Variants in GHRH observed in about 807,000 individuals in gnomAD.
GHRH encodes growth hormone releasing hormone, also known as somatoliberin.
A neutral mutation model predicts 15.6 loss-of-function variants in GHRH; 7 were observed. The observed-to-expected ratio is 0.45, with a 90% CI of 0.26 to 0.84. The LOEUF (loss-of-function observed/expected upper bound fraction) is 0.84, where lower values mean the gene tolerates loss of function less well. Ranked by LOEUF, GHRH falls within the 40% of genes least tolerant of loss-of-function variation. The pLI, the probability that GHRH is intolerant of heterozygous loss-of-function variation, is 0.18. For missense variants in GHRH, 117 were observed against 138.0 expected, an observed-to-expected ratio of 0.85 and a Z score of 0.76; for synonymous variants, 54 against 50.4, an observed-to-expected ratio of 1.07 and a Z score of -0.30.
rs1286129185 is a variant in GHRH at position 37,258,412 on chromosome 20, GC to G, written c.-19-1505del. On this transcript the variant is annotated intron_variant, in intron 1 of 4. Coordinates refer to ENST00000373614, the MANE Select transcript of GHRH (RefSeq NM_021081.6). The surrounding 1 kb of genome is among the most constrained non-coding windows in gnomAD (Gnocchi z 4.1). ...TGAGGAGTTCTGGCAGGCAGGGCCAGCACTGGCAGAACCCACCTTGCTCTCC... is the reference window on the plus strand; with the variant it reads ...TGAGGAGTTCTGGCAGGCAGGGCCAGACTGGCAGAACCCACCTTGCTCTCC... Among the ~76,000 whole-genome samples the G allele has an allele frequency of 2.6e-5, 4 of 152,200 alleles. No homozygotes were observed. Among genetic ancestry groups the G allele is most frequent in the Non-Finnish European group, 5.9e-5 (4 of 68,030 alleles).
chr20:37,259,353 C>A (rs776556930), intron 1 of GHRH, among the ~76,000 whole-genome samples: 2 of 152,154 alleles, frequency 1.3e-5, no homozygotes, highest in Non-Finnish European at 2.9e-5. Flanking sequence ...CCCTTCTCCC[C>A]ACCTGGTCCA....
intron 4 of GHRH, among the ~76,000 whole-genome samples, chr20:37,252,543 G>C (rs1021918709): frequency 1.3e-5 from 2 of 152,186 alleles, no homozygotes; most frequent in Non-Finnish European, 2.9e-5. Flanking sequence ...ATGGCAGGTG[G>C]ATCACCTGAG....
At chr20:37,257,946 G>A (rs992495796) in intron 1 of GHRH, among the ~76,000 whole-genome samples, 3 of 152,204 alleles carry the variant, frequency 2.0e-5, no homozygotes, top group Non-Finnish European at 4.4e-5. Flanking sequence ...GGGGAGAAGG[G>A]CTCTAAGTCT....
At chr20:37,261,223 C>T (rs954579225) in intron 1 of GHRH, among the ~76,000 whole-genome samples, 1 of 152,132 alleles carries the variant, frequency 6.6e-6, no homozygotes, top group African/African-American at 2.4e-5. Context: ...CGTGGGGTAG[C>T]GGAGGACTCC....
chr20:37,255,770 C>T (rs998506273), intron 3 of GHRH, among the ~76,000 whole-genome samples: 4 of 149,856 alleles, frequency 2.7e-5, no homozygotes, highest in African/African-American at 9.9e-5. Context: ...TGGCTCACAA[C>T]TATAATCCCA....
Position 37,256,879 on chromosome 20 carries a change from C to T in GHRH, c.11G>A (p.Trp4Ter), listed in dbSNP as rs773662707. MPL[W>*]VFFFVILTLS... ...GGTGAGGATCACAAAGAAGAACACC[C>T]AGAGTGGCATCCTTCACCCGGGGTG... Residue 4 changes from tryptophan (W) to a stop codon, truncating the protein, a stop_gained, in exon 2 of 5, where the codon TGG (tryptophan) becomes TAG (stop). Transcript: ENST00000373614. LOFTEE classifies it high-confidence loss of function. 6.2e-7 allele frequency: 1 copy of T among 1,611,000 alleles called. No individual in the cohort carries two copies. Among genetic ancestry groups the T allele is most frequent in the African/African-American group, 1.3e-5 (1 of 74,916 alleles).
chr20:37,254,266 T>G lies in GHRH; in HGVS notation c.252A>C (p.Ala84=). 1 of 1,614,204 alleles carries G rather than the reference T, an allele frequency of 6.2e-7. No homozygotes were observed. The highest frequency in any genetic ancestry group is 8.5e-7 in the Non-Finnish European group (1 of 1,180,002). ...RLGRQVDSMW[A]EQKQMELESI... ...TCTCCAATTCCATTTGCTTTTGTTC[T>G]GCCCACATGCTGTCTACCTGACGAC... Residue 84 remains alanine, a synonymous_variant, in exon 4 of 5, where the codon GCA becomes GCC. Coordinates refer to ENST00000373614, the MANE Select transcript of GHRH (RefSeq NM_021081.6).
chr20:37,259,671 A>C (rs913831353), intron 1 of GHRH, among the ~76,000 whole-genome samples: 2 of 152,088 alleles, frequency 1.3e-5, no homozygotes, highest in African/African-American at 4.8e-5. Context: ...CCTGTGCCCT[A>C]TCAGGCTCCA....
chr20:37,256,557 G>T (rs893049345), intron 2 of GHRH, 59 bp from the exon 3 acceptor site: 3 of 1,069,258 alleles, frequency 2.8e-6, no homozygotes, highest in African/African-American at 3.1e-5. Flanking sequence ...GAGGACAGTC[G>T]TGGCTGCACT....
chr20:37,255,133 A>AATGTGCATATGCATATGCACATT (rs2068647556), intron 3 of GHRH, among the ~76,000 whole-genome samples: 1 of 152,202 alleles, frequency 6.6e-6, no homozygotes, highest in Non-Finnish European at 1.5e-5. Flanking sequence ...AAGAATACTT[A>AATGTGCATATGCATATGCACATT]ATGTGCATAT....
intron 1 of GHRH, 71 bp from the exon 2 acceptor site, chr20:37,256,979 T>A: frequency 1.1e-6 from 1 of 929,634 alleles, no homozygotes; most frequent in Non-Finnish European, 1.7e-6. Flanking sequence ...GGCCCAGCCC[T>A]GGGCTTGGCT....
chr20:37,259,702 C>A (rs1465246085), intron 1 of GHRH, among the ~76,000 whole-genome samples: 1 of 152,198 alleles, frequency 6.6e-6, no homozygotes, highest in Non-Finnish European at 1.5e-5. Context: ...TTGCACTCTC[C>A]CTCTGGAGCA....
At chr20:37,257,254 C>G (rs2068662831) in intron 1 of GHRH, among the ~76,000 whole-genome samples, 1 of 152,174 alleles carries the variant, frequency 6.6e-6, no homozygotes, top group Non-Finnish European at 1.5e-5. Flanking sequence ...GTGACTCACG[C>G]CTGTAATCCC....
intron 1 of GHRH, among the ~76,000 whole-genome samples, chr20:37,259,431 A>G (rs1171779071): frequency 6.6e-6 from 1 of 152,140 alleles, no homozygotes; most frequent in Admixed American, 6.5e-5. Context: ...GCCCCTTGAC[A>G]GAAACCACTG....
intron 4 of GHRH, among the ~76,000 whole-genome samples, chr20:37,251,642 C>T (rs1569010520): frequency 6.6e-6 from 1 of 152,174 alleles, no homozygotes; most frequent in Admixed American, 6.5e-5. Context: ...GAGCAGGGGT[C>T]GCTGCTGTCC....
intron 1 of GHRH, among the ~76,000 whole-genome samples, chr20:37,257,761 G>A (rs529276699): frequency 3.3e-5 from 5 of 152,190 alleles, no homozygotes; most frequent in South Asian, 2.1e-4. Context: ...TATTTTCCCC[G>A]GCCATAAAAC....
chr20:37,261,435 C>T (rs1277270108), intron 1 of GHRH, among the ~76,000 whole-genome samples: 2 of 152,204 alleles, frequency 1.3e-5, no homozygotes, highest in Non-Finnish European at 2.9e-5. Flanking sequence ...AGCCAACTCA[C>T]GTTTGCCCCC....
chr20:37,257,386 G>A (rs895935190), intron 1 of GHRH, among the ~76,000 whole-genome samples: 2 of 151,894 alleles, frequency 1.3e-5, no homozygotes, highest in South Asian at 4.2e-4. Context: ...GTGGTGGCGT[G>A]TGCCTGTAAT....
At chr20:37,259,527 A>G (rs1276652801) in intron 1 of GHRH, among the ~76,000 whole-genome samples, 3 of 151,962 alleles carry the variant, frequency 2.0e-5, no homozygotes, top group South Asian at 2.1e-4. Flanking sequence ...TAGGTCCCCA[A>G]TCACCTCCCT....
Sources: gnomAD v4.1 joint callset for allele counts (sites outside exome capture counted in the v4.1 genomes callset) on GRCh38, gnomAD v4.1.1 for gene constraint, Gnocchi (gnomAD v3.1) non-coding constraint, MANE v1.5 for transcripts, NCBI Gene and HGNC (gene_info 2026-07-23, HGNC 2026-07-21) for gene names.